Variants in TTN observed in about 807,000 individuals in gnomAD.
TTN encodes connectin.
Under a neutral mutation model 3,223.0 loss-of-function variants are expected in TTN, and 1,525 were observed. The ratio of observed to expected loss-of-function variants is 0.47; its 90% CI spans 0.45 to 0.49. TTN has a LOEUF of 0.49. TTN is among the 20% of genes least tolerant of loss of function. The pLI is 0.00. For missense variants in TTN, 40,786 were observed against 43,424.0 expected (o/e 0.94, Z 5.40); for synonymous variants, 14,094 against 15,161.0 (o/e 0.93, Z 5.17).
At chr2:178,766,170 C>T (rs969543592) in intron 41 of TTN, among the ~76,000 whole-genome samples, 3 of 152,186 alleles carry the variant, frequency 2.0e-5, no homozygotes, top group African/African-American at 7.2e-5. Context: ...ATCTGGCCAT[C>T]AGGTGCTTTC....
At chr2:178,549,938 T>C (rs1361015712) in intron 337 of TTN, 48 bp downstream of exon 337, 12 of 1,561,346 alleles carry the variant, frequency 7.7e-6, no homozygotes, top group Non-Finnish European at 1.0e-5. Context: ...GGCATGTCTC[T>C]AATCCAAGTT....
At position 178,579,989 on chromosome 2, in the gene TTN, T is replaced by C. The variant is rs2047336036; in HGVS notation, c.67298A>G (p.Glu22433Gly). 1 of 1,613,232 alleles carries C rather than the reference T, an allele frequency of 6.2e-7. No individual in the cohort carries two copies. Among genetic ancestry groups the C allele is most frequent in the Non-Finnish European group, 8.5e-7 (1 of 1,179,514 alleles). ...TTCACCGGGATCACCAATGCCATAC[T>C]CATTTTCAGCAAACACTCGGAAGAA... ...SYFFRVFAEN[E>G]YGIGDPGETR... is the part of the protein sequence containing the mutation. Residue 22433 changes from glutamate to glycine, a missense_variant, in exon 318 of 363, where the codon GAG becomes GGG. By Grantham distance (98) the Glu-to-Gly change is moderately conservative (BLOSUM62 -2). Coordinates refer to ENST00000589042, the MANE Select transcript of TTN (RefSeq NM_001267550.2).
chr2:178,722,245 A>G lies in TTN; in HGVS notation c.22528+14T>C, dbSNP rs767250979. 6.5e-7 allele frequency: 1 copy of G among 1,545,586 alleles called. No individual in the cohort carries two copies. Among genetic ancestry groups the G allele is most frequent in the Admixed American group, 2.0e-5 (1 of 49,250 alleles). On this transcript the variant is annotated intron_variant, in intron 77 of 362. Coordinates refer to ENST00000589042, the MANE Select transcript of TTN (RefSeq NM_001267550.2). ...CCACAGTTTGCAAAGAAAAAGAGTGACGTGTGAACAAACCTCTTGCTGTGA... is the reference window on the plus strand; with the variant it reads ...CCACAGTTTGCAAAGAAAAAGAGTGGCGTGTGAACAAACCTCTTGCTGTGA...
At position 178,574,813 on chromosome 2, in the gene TTN, G is replaced by A. The variant is rs559204842; in HGVS notation, c.71319C>T (p.Thr23773=). The A allele has an allele frequency of 1.3e-5, 21 of 1,612,618 alleles. No individual in the cohort carries two copies. The highest frequency in any genetic ancestry group is 1.2e-4 in the African/African-American group (9 of 74,852). Residue 23773 remains threonine (T), a synonymous_variant, in exon 326 of 363, where the codon ACC becomes ACT. Coordinates refer to ENST00000589042, the MANE Select transcript of TTN (RefSeq NM_001267550.2). Reference sequence around the variant, plus strand: ...TAACGGTGGTTGCTAACTCAACCCAGGTAGTACTGTCAGTCTGCCGCATTT... The same window carrying A: ...TAACGGTGGTTGCTAACTCAACCCAAGTAGTACTGTCAGTCTGCCGCATTT... The part of the protein sequence containing the change: ...VVEMRQTDST[T]WVELATTVIR...
intron 102 of TTN, 107 bp from the exon 103 acceptor site, chr2:178,705,464 T>G: frequency 1.1e-6 from 1 of 881,804 alleles, no homozygotes; most frequent in African/African-American, 1.7e-5. Context: ...TCTATGTTCT[T>G]TATTCAATAA....
At chr2:178,676,172 C>A in intron 147 of TTN, 177 bp from the exon 148 acceptor site, 1 of 572,074 alleles carries the variant, frequency 1.7e-6, no homozygotes, top group Non-Finnish European at 3.1e-6. Flanking sequence ...AAGGGACCAG[C>A]AGCATATGTC....
chr2:178,680,271 A>G lies in TTN; in HGVS notation c.33401T>C (p.Val11134Ala), dbSNP rs774455979. The change falls in exon 139 of 363, where the codon GTA becomes GCA. Residue 11134 changes from valine (V) to alanine (A), a missense_variant. Coordinates refer to ENST00000589042, the MANE Select transcript of TTN (RefSeq NM_001267550.2). Reference protein sequence around the residue: ...EEKVPVPRKEVAPPVRVPEVP... With the variant: ...EEKVPVPRKEAAPPVRVPEVP... ...TTAGGTACCTCTAACAGGTGGTGCT[A>G]CTTCTTTTCTAGGGACAGGTACTTT... The G allele has an allele frequency of 3.1e-6, 5 of 1,611,830 alleles. No homozygotes were observed. Among genetic ancestry groups the G allele is most frequent in the African/African-American group, 2.7e-5 (2 of 74,746 alleles).
intron 92 of TTN, chr2:178,713,619 G>A (rs901667974): frequency 4.3e-6 from 3 of 694,084 alleles, no homozygotes; most frequent in Non-Finnish European, 6.8e-6. Flanking sequence ...GAATTATGTG[G>A]TGAATTATTT....
At chr2:178,793,637 A>G (rs978991075) in intron 8 of TTN, 96 bp from the exon 9 acceptor site, 4 of 1,547,686 alleles carry the variant, frequency 2.6e-6, no homozygotes, top group Non-Finnish European at 3.5e-6. Context: ...ATCCTCTACT[A>G]AAAAATACAA....
Position 178,576,171 on chromosome 2 carries a change from C to G in TTN, c.69961G>C (p.Asp23321His). 5 of 1,612,926 alleles carry G rather than the reference C, an allele frequency of 3.1e-6. No individual in the cohort carries two copies. The highest frequency in any genetic ancestry group is 4.2e-6 in the Non-Finnish European group (5 of 1,179,360). Reference protein sequence around the residue: ...KYNFRISAINDAGVGEPAVIP... With the variant: ...KYNFRISAINHAGVGEPAVIP... ...ACCGCTGGCTCCCCAACACCTGCAT[C>G]GTTGATGGCACTGATTCTGAAGTTG... The change falls in exon 326 of 363, where the codon GAT becomes CAT. Residue 23321 changes from aspartate to histidine, a missense_variant. Transcript: ENST00000589042. This position sits in a 1 kb window ranked among gnomAD's most constrained non-coding sequence, Gnocchi z 4.3.
At chr2:178,796,504 T>G (rs560171901) in intron 6 of TTN, among the ~76,000 whole-genome samples, 14 of 152,326 alleles carry the variant, frequency 9.2e-5, no homozygotes, top group African/African-American at 3.4e-4. Flanking sequence ...GCTTTTTTTG[T>G]GTGAAAATCC....
At position 178,632,674 on chromosome 2, in the gene TTN, G is replaced by A. The variant is rs759756683; in HGVS notation, c.43332C>T (p.Thr14444=). ...EPKTFRWLKG[T]QEITGDDRFE... ...ATCTGTCATCACCTGTGATTTCCTG[G>A]GTTCCTTTTAGCCAACGGAATGTTT... Residue 14444 remains threonine, a synonymous_variant, in exon 235 of 363, where the codon ACC becomes ACT. Transcript: ENST00000589042. 5.6e-6 allele frequency: 9 copies of A among 1,613,320 alleles called. No homozygotes were observed. The highest frequency in any genetic ancestry group is 4.4e-5 in the South Asian group (4 of 91,062).
rs756277236 is a variant in TTN at position 178,679,321 on chromosome 2, T to C, written c.33742+18A>G. 1.9e-6 allele frequency: 3 copies of C among 1,611,676 alleles called. No homozygotes were observed. The highest frequency in any genetic ancestry group is 1.1e-5 in the South Asian group (1 of 90,970). On this transcript the variant is annotated intron_variant, in intron 142 of 362. Transcript: ENST00000589042. The stretch of plus-strand genomic sequence containing the variant: ...GTGAATTATCATGCTATTCCACTGA[T>C]GGATTATAAGGATGTACCTTTTGCT...
chr2:178,560,643 C>G lies in TTN; in HGVS notation c.85489G>C (p.Ala28497Pro). The change falls in exon 326 of 363, where the codon GCA becomes CCA. Residue 28497 changes from alanine to proline, a missense_variant. By Grantham distance (27) the Ala-to-Pro change is conservative. Transcript: ENST00000589042. ...IVEKRETSHL[A>P]WTICEGELQM... ...AACTCTCCTTCACATATTGTCCATGCAAGGTGGCTTGTTTCACGTTTTTCT... is the reference window on the plus strand; with the variant it reads ...AACTCTCCTTCACATATTGTCCATGGAAGGTGGCTTGTTTCACGTTTTTCT... 1 of 1,613,628 alleles carries G rather than the reference C, an allele frequency of 6.2e-7. No homozygotes were observed. Among genetic ancestry groups the G allele is most frequent in the East Asian group, 2.2e-5 (1 of 44,784 alleles).
At chr2:178,697,742 AAAAT>A (rs2073980142) in intron 112 of TTN, among the ~76,000 whole-genome samples, 1 of 152,206 alleles carries the variant, frequency 6.6e-6, no homozygotes, top group Non-Finnish European at 1.5e-5. Flanking sequence ...TGTTTTCCTA[AAAAT>A]CTTCGAGGAT....
Position 178,589,601 on chromosome 2 carries a change from C to A in TTN, c.62124G>T (p.Arg20708Ser), listed in dbSNP as rs377175428. The A allele has an allele frequency of 3.7e-6, 6 of 1,613,318 alleles. No homozygotes were observed. Among genetic ancestry groups the A allele is most frequent in the Admixed American group, 1.7e-5 (1 of 59,978 alleles). ...TTTCCCAGTCATCGGAGCCCTTAAG[C>A]CTTCTCTCAACATGATATGACAGAT... Reference protein sequence around the residue: ...SPNLSYHVERRLKGSDDWERV... With the variant: ...SPNLSYHVERSLKGSDDWERV... The change falls in exon 304 of 363, where the codon AGG becomes AGT. Residue 20708 changes from arginine (R) to serine (S), a missense_variant. Transcript: ENST00000589042.
Position 178,560,874 on chromosome 2 carries a change from A to G in TTN, c.85258T>C (p.Cys28420Arg), listed in dbSNP as rs773918512. Residue 28420 changes from cysteine to arginine, a missense_variant, in exon 326 of 363, where the codon TGT (cysteine) becomes CGT (arginine). By Grantham distance (180) the Cys-to-Arg change is radical. Coordinates refer to ENST00000589042, the MANE Select transcript of TTN (RefSeq NM_001267550.2). ...DNHTLLTVKD[C>R]IRRDTGQYVL... ...TATTGCCCAGTGTCTCGTCTTATAC[A>G]GTCTTTAACTGTTAACAAAGTATGA... 2.5e-6 allele frequency: 4 copies of G among 1,613,594 alleles called. No homozygotes were observed. Among genetic ancestry groups the G allele is most frequent in the East Asian group, 4.5e-5 (2 of 44,788 alleles).
At chr2:178,748,515 C>G (rs765292439) in intron 47 of TTN, 4 of 1,612,946 alleles carry the variant, frequency 2.5e-6, no homozygotes, top group African/African-American at 1.3e-5. Flanking sequence ...AACTCCAGAG[C>G]TGGATCTCCT....
In TTN at chr2:178,664,035, G is replaced by A. The variant is rs772883660; in HGVS notation, c.36344C>T (p.Pro12115Leu). 3 of 1,613,296 alleles carry A rather than the reference G, an allele frequency of 1.9e-6. No individual in the cohort carries two copies. In the South Asian group the frequency reaches 3.3e-5, roughly 18 times the overall value. ...AATACCTTTAACAGGTGGGACTTCAGGCTTTTTAGGAGGCACCACCGACAC... is the reference window on the plus strand; with the variant it reads ...AATACCTTTAACAGGTGGGACTTCAAGCTTTTTAGGAGGCACCACCGACAC... Reference protein sequence around the residue: ...KKVSVVPPKKPEVPPVKVPEA... With the variant: ...KKVSVVPPKKLEVPPVKVPEA... The change falls in exon 169 of 363, where the codon CCT (proline) becomes CTT (leucine). Residue 12115 changes from proline to leucine, a missense_variant. By Grantham distance (98) the Pro-to-Leu change is moderately conservative. Transcript: ENST00000589042.
Sources: allele counts gnomAD v4.1 joint callset (sites outside exome capture counted in the v4.1 genomes callset), GRCh38; gene constraint gnomAD v4.1.1; non-coding constraint Gnocchi (gnomAD v3.1); transcripts MANE v1.5; gene names NCBI Gene and HGNC (gene_info 2026-07-23, HGNC 2026-07-21).